CMIP: variants seen among roughly 807,000 people sequenced by gnomAD.
CMIP encodes c-Maf inducing protein.
A neutral mutation model predicts 97.3 loss-of-function variants in CMIP; 13 were observed. That is an observed-to-expected ratio of 0.13 (90% CI 0.09 to 0.21). The LOEUF (loss-of-function observed/expected upper bound fraction) is 0.21, where lower values mean the gene tolerates loss of function less well. Ranked by LOEUF, CMIP falls within the 10% of genes least tolerant of loss-of-function variation. The pLI is 1.00. For synonymous variants in CMIP, 538 were observed against 436.3 expected, an observed-to-expected ratio of 1.23 and a Z score of -2.91; for missense variants, 847 against 1,024.9, an observed-to-expected ratio of 0.83 and a Z score of 2.37.
intron 3 of CMIP, among the ~76,000 whole-genome samples, chr16:81,639,747 A>G (rs1490935484): frequency 6.6e-6 from 1 of 152,194 alleles, no homozygotes; most frequent in Non-Finnish European, 1.5e-5. Context: ...CGGCGCTCAA[A>G]AAAGTCCTGA....
intron 1 of CMIP, among the ~76,000 whole-genome samples, chr16:81,560,217 TG>T (rs1416331659): frequency 4.5e-5 from 5 of 111,648 alleles, no homozygotes; most frequent in Admixed American, 2.6e-4. Context: ...GTTTTTGTTT[TG>T]TTTTGTTTTT....
At chr16:81,708,173 C>G (rs991998791) in intron 20 of CMIP, among the ~76,000 whole-genome samples, 1 of 152,182 alleles carries the variant, frequency 6.6e-6, no homozygotes, top group Admixed American at 6.5e-5. Context: ...GAGGGACAGT[C>G]GGTAGAGAGC....
At chr16:81,553,571 C>G (rs2150860693) in intron 1 of CMIP, among the ~76,000 whole-genome samples, 1 of 152,306 alleles carries the variant, frequency 6.6e-6, no homozygotes, top group Admixed American at 6.5e-5. Flanking sequence ...CCCTGTGGCT[C>G]CTTTCACCCG....
At chr16:81,663,543 T>C (rs1247679313) in intron 6 of CMIP, among the ~76,000 whole-genome samples, 2 of 152,130 alleles carry the variant, frequency 1.3e-5, no homozygotes, top group Non-Finnish European at 2.9e-5. Context: ...CCTATGATAT[T>C]ACATTGGTGG....
At chr16:81,486,640 G>A (rs1012586342) in intron 1 of CMIP, among the ~76,000 whole-genome samples, 4 of 152,138 alleles carry the variant, frequency 2.6e-5, no homozygotes, top group African/African-American at 9.7e-5. Flanking sequence ...GGAGTGGGCC[G>A]GCCCATTGCC....
At chr16:81,564,959 G>A (rs994197609) in intron 1 of CMIP, among the ~76,000 whole-genome samples, 2 of 152,110 alleles carry the variant, frequency 1.3e-5, no homozygotes, top group African/African-American at 2.4e-5. Context: ...ATGAACCTGT[G>A]GGGGGTGGGC....
chr16:81,501,084 C>T (rs1419951933), intron 1 of CMIP, among the ~76,000 whole-genome samples: 3 of 152,200 alleles, frequency 2.0e-5, no homozygotes, highest in East Asian at 3.8e-4. Flanking sequence ...GCTCAAGTGC[C>T]GGAGCTTTCT....
intron 1 of CMIP, among the ~76,000 whole-genome samples, chr16:81,486,510 G>A (rs867887936): frequency 6.6e-6 from 1 of 152,206 alleles, no homozygotes; most frequent in South Asian, 2.1e-4. Flanking sequence ...TCATTCAGGA[G>A]GGGTGCCCAG....
intron 3 of CMIP, among the ~76,000 whole-genome samples, chr16:81,637,695 G>A (rs367582379): frequency 6.6e-6 from 1 of 152,168 alleles, no homozygotes; most frequent in African/African-American, 2.4e-5. Context: ...GAGTGTGCAG[G>A]CTGGTGGGGG....
intron 1 of CMIP, among the ~76,000 whole-genome samples, chr16:81,552,668 A>C (rs1445074806): frequency 6.6e-6 from 1 of 152,132 alleles, no homozygotes; most frequent in African/African-American, 2.4e-5. Context: ...TAATGGAACC[A>C]CATCTGCAAC....
chr16:81,520,984 G>A (rs1300713672), intron 1 of CMIP, among the ~76,000 whole-genome samples: 1 of 152,208 alleles, frequency 6.6e-6, no homozygotes, highest in Non-Finnish European at 1.5e-5. Context: ...GGTGGCATGT[G>A]TCAGAAAAAG....
chr16:81,617,399 C>G (rs557737395), intron 2 of CMIP: 2 of 152,448 alleles, frequency 1.3e-5, no homozygotes, highest in East Asian at 3.9e-4. Context: ...TTCTCCCTGC[C>G]CCATCTCCAT....
chr16:81,661,683 G>A (rs2092548638), intron 6 of CMIP, among the ~76,000 whole-genome samples: 2 of 152,170 alleles, frequency 1.3e-5, no homozygotes, highest in Non-Finnish European at 2.9e-5. Flanking sequence ...CTGTGGGGTG[G>A]AACAGCAGGC....
intron 1 of CMIP, among the ~76,000 whole-genome samples, chr16:81,502,710 G>A (rs2089635900): frequency 6.6e-6 from 1 of 152,200 alleles, no homozygotes; most frequent in Admixed American, 6.5e-5. Context: ...CCATTGCTTT[G>A]TTTGGCAAAT....
At chr16:81,664,046 G>T (rs1040246027) in intron 6 of CMIP, among the ~76,000 whole-genome samples, 7 of 152,126 alleles carry the variant, frequency 4.6e-5, no homozygotes, top group Admixed American at 3.3e-4. Context: ...CCGGGGGCAG[G>T]GGGTATCTGG....
intron 1 of CMIP, among the ~76,000 whole-genome samples, chr16:81,541,161 C>T (rs2090442493): frequency 6.6e-6 from 1 of 152,114 alleles, no homozygotes; most frequent in Non-Finnish European, 1.5e-5. Flanking sequence ...CCCCTTCCTC[C>T]ACCCCCGACC....
chr16:81,697,488 C>T (rs1206483671), intron 14 of CMIP: 1 of 152,282 alleles, frequency 6.6e-6, no homozygotes, highest in African/African-American at 2.4e-5. Flanking sequence ...GGTGCTCCCA[C>T]ACTCAAACTG....
intron 1 of CMIP, among the ~76,000 whole-genome samples, chr16:81,579,063 C>G (rs1481774557): frequency 1.3e-5 from 2 of 152,224 alleles, no homozygotes; most frequent in African/African-American, 2.4e-5. Context: ...CATAGAATCT[C>G]GGATTCAGAT....
Position 81,706,878 on chromosome 16 carries a change from A to G in CMIP, c.2198-136A>G, listed in dbSNP as rs894176361. 3 of 714,304 alleles carry G rather than the reference A, an allele frequency of 4.2e-6. No homozygotes were observed. In the African/African-American group the frequency reaches 5.3e-5, roughly 13 times the overall value. The allele number at this position is 714,304 out of a possible 1,614,324, so 44.2% of individuals were successfully genotyped here. A position where few individuals can be genotyped will look rare whatever the true frequency, so the allele number is the denominator to read the frequency against. On this transcript the variant is annotated intron_variant, in intron 19 of 20. Coordinates refer to ENST00000537098, the MANE Select transcript of CMIP (RefSeq NM_198390.3). ...TGGGCCACCTACCCTGGCTGTGTCT[A>G]CGAAACCTCCCTCCCCAGCCCCATC...
Sources: gnomAD v4.1 joint callset for allele counts (sites outside exome capture counted in the v4.1 genomes callset) on GRCh38, gnomAD v4.1.1 for gene constraint, MANE v1.5 for transcripts, NCBI Gene and HGNC (gene_info 2026-07-23, HGNC 2026-07-21) for gene names.